The following ENPP2 variants were observed in gnomAD, a reference collection of about 807,000 sequenced individuals.
ENPP2 encodes the protein ectonucleotide pyrophosphatase/phosphodiesterase 2, also known as autotaxin.
ENPP2 carries 51 observed loss-of-function variants against 120.2 expected under a neutral mutation model. That is an observed-to-expected ratio of 0.42 (90% CI 0.34 to 0.54). The LOEUF is 0.54. ENPP2 is among the 20% of genes least tolerant of loss of function. ENPP2 has a pLI of 0.04. For synonymous variants in ENPP2, 365 were observed against 366.4 expected (o/e 1.00, Z 0.04); for missense variants, 920 against 1,066.5 (o/e 0.86, Z 1.91).
upstream of ENPP2, among the ~76,000 whole-genome samples, chr8:119,639,227 G>A (rs1212646173): frequency 6.6e-6 from 1 of 152,200 alleles, no homozygotes; most frequent in East Asian, 1.9e-4. Flanking sequence ...TTACAATGCA[G>A]TCATTCAATG....
Position 119,667,341 on chromosome 8 carries a change from C to T in ENPP2, c.21+5911G>A, listed in dbSNP as rs1181189464. Among the ~76,000 whole-genome samples, 5 of 152,332 alleles carry T rather than the reference C, an allele frequency of 3.3e-5. No homozygotes were observed. In the East Asian group the frequency reaches 5.8e-4, roughly 18 times the overall value. On this transcript the variant is annotated intron_variant, in intron 1 of 25. Transcript: ENST00000427067. The stretch of plus-strand genomic sequence containing the variant: ...GCTTAAATTTCTCTGTGACAAAGAA[C>T]TCATTGCCTTGGGATGCCTGTTAGA...
intron 13 of ENPP2, among the ~76,000 whole-genome samples, chr8:119,588,799 T>C (rs958992706): frequency 5.9e-5 from 9 of 152,184 alleles, no homozygotes; most frequent in African/African-American, 2.2e-4. Flanking sequence ...CCCAGAGAAT[T>C]ACTAGGAATA....
At chr8:119,563,913 C>T (rs990188586) in intron 23 of ENPP2, among the ~76,000 whole-genome samples, 8 of 151,252 alleles carry the variant, frequency 5.3e-5, no homozygotes, top group Admixed American at 4.0e-4. Flanking sequence ...ATACTCTGGG[C>T]TGCTGATTGT....
At chr8:119,652,636 G>A (rs537430426) in intron 1 of ENPP2, among the ~76,000 whole-genome samples, 1 of 152,262 alleles carries the variant, frequency 6.6e-6, no homozygotes, top group African/African-American at 2.4e-5. Context: ...TATTATTTCA[G>A]TATCTATTCT....
At chr8:119,576,240 C>A (rs1391006790) in intron 19 of ENPP2, among the ~76,000 whole-genome samples, 1 of 152,154 alleles carries the variant, frequency 6.6e-6, no homozygotes, top group Non-Finnish European at 1.5e-5. Context: ...TGGGTTCAAG[C>A]GATTCTCCTG....
intron 1 of ENPP2, among the ~76,000 whole-genome samples, chr8:119,671,597 G>A (rs1398276042): frequency 6.6e-6 from 1 of 152,186 alleles, no homozygotes; most frequent in Non-Finnish European, 1.5e-5. Flanking sequence ...TGCCATTTAA[G>A]CAGTGGCAAA....
chr8:119,626,984 C>T (rs919171903), intron 2 of ENPP2, among the ~76,000 whole-genome samples: 4 of 151,980 alleles, frequency 2.6e-5, no homozygotes, highest in African/African-American at 7.2e-5. Flanking sequence ...AACACTTAGC[C>T]GCATGTCAGA....
chr8:119,583,160 C>T (rs1005928773), intron 17 of ENPP2, among the ~76,000 whole-genome samples: 5 of 152,142 alleles, frequency 3.3e-5, no homozygotes, highest in Non-Finnish European at 2.9e-5. Flanking sequence ...CTTGCTTGAG[C>T]TCAGAGGCAG....
Sources: gnomAD v4.1 joint callset for allele counts (sites outside exome capture counted in the v4.1 genomes callset) on GRCh38, gnomAD v4.1.1 for gene constraint, MANE v1.5 for transcripts, NCBI Gene and HGNC (gene_info 2026-07-23, HGNC 2026-07-21) for gene names.